The following HDLBP variants were observed in gnomAD, a reference collection of about 807,000 sequenced individuals.
HDLBP encodes vigilin.
A neutral mutation model predicts 137.3 loss-of-function variants in HDLBP; 30 were observed. The ratio of observed to expected loss-of-function variants is 0.22; its 90% CI spans 0.16 to 0.30. The LOEUF (loss-of-function observed/expected upper bound fraction) is 0.30. HDLBP is among the 10% of genes least tolerant of loss of function. The probability of loss-of-function intolerance (pLI) is 1.00; values close to 1 mark genes in which losing one functional copy is unlikely to be tolerated. For missense variants in HDLBP, 1,119 were observed against 1,667.3 expected, an observed-to-expected ratio of 0.67 and a Z score of 5.73; for synonymous variants, 606 against 596.0, an observed-to-expected ratio of 1.02 and a Z score of -0.24.
At chr2:241,309,414 AT>A (rs1261686096) in intron 1 of HDLBP, among the ~76,000 whole-genome samples, 2 of 152,126 alleles carry the variant, frequency 1.3e-5, no homozygotes, top group African/African-American at 4.8e-5. Flanking sequence ...ATAGTAAACG[AT>A]TTTTTCTTTT....
chr2:241,249,493 T>C (rs1321186119), intron 12 of HDLBP: 5 of 501,942 alleles, frequency 1.0e-5, no homozygotes, highest in African/African-American at 9.7e-5. Context: ...AGTCTGGCCT[T>C]ACATGAGAAC....
chr2:241,293,373 T>C (rs1022886462), intron 1 of HDLBP, among the ~76,000 whole-genome samples: 1 of 151,882 alleles, frequency 6.6e-6, no homozygotes, highest in Non-Finnish European at 1.5e-5. Flanking sequence ...CACACACCTG[T>C]AGTCCCAGCT....
intron 1 of HDLBP, among the ~76,000 whole-genome samples, chr2:241,284,058 A>G (rs2074714262): frequency 6.6e-6 from 1 of 152,036 alleles, no homozygotes; most frequent in South Asian, 2.1e-4. Flanking sequence ...TCAAAACATT[A>G]CTGCTGATTG....
chr2:241,264,284 C>T (rs1000813277), intron 4 of HDLBP, among the ~76,000 whole-genome samples, 164 bp downstream of exon 4: 1 of 151,252 alleles, frequency 6.6e-6, no homozygotes, highest in Non-Finnish European at 1.5e-5. Context: ...ATGGCGTGAA[C>T]CCGGGAGGCG....
chr2:241,311,831 A>G (rs987164855), intron 1 of HDLBP, among the ~76,000 whole-genome samples: 8 of 152,236 alleles, frequency 5.3e-5, no homozygotes, highest in Non-Finnish European at 1.5e-5. Flanking sequence ...CAAATTAAGG[A>G]TATATCACTT....
At chr2:241,313,143 T>A (rs10196307) in intron 1 of HDLBP, among the ~76,000 whole-genome samples, 121,737 of 152,148 alleles carry the variant, frequency 0.8, 48,878 homozygotes, top group East Asian at 0.95. Flanking sequence ...AGGTAACCAC[T>A]GCCTATTTCC....
chr2:241,292,721 G>T (rs2075048172), intron 1 of HDLBP, among the ~76,000 whole-genome samples: 1 of 152,150 alleles, frequency 6.6e-6, no homozygotes, highest in Admixed American at 6.5e-5. Flanking sequence ...ATAGTAAAAT[G>T]CTGACAACTG....
At chr2:241,287,697 C>T (rs55918461) in intron 1 of HDLBP, among the ~76,000 whole-genome samples, 17,423 of 152,278 alleles carry the variant, frequency 0.11, 1,234 homozygotes, top group Admixed American at 0.16. Flanking sequence ...GCTGGGATTA[C>T]AGGTGTGAGC....
chr2:241,311,620 C>T (rs1348126827), intron 1 of HDLBP, among the ~76,000 whole-genome samples: 1 of 152,170 alleles, frequency 6.6e-6, no homozygotes, highest in African/African-American at 2.4e-5. Context: ...TAGATAATTG[C>T]TTCAGAATTT....
intron 1 of HDLBP, among the ~76,000 whole-genome samples, chr2:241,289,559 T>A (rs1198666007): frequency 6.6e-6 from 1 of 152,052 alleles, no homozygotes; most frequent in Non-Finnish European, 1.5e-5. Context: ...CTGACATACA[T>A]CCAGGGAGCA....
In HDLBP at chr2:241,233,896, T is replaced by A; in HGVS notation, c.3212A>T (p.Lys1071Met). 2 of 1,614,138 alleles carry A rather than the reference T, an allele frequency of 1.2e-6. No individual in the cohort carries two copies. Among genetic ancestry groups the A allele is most frequent in the Non-Finnish European group, 1.7e-6 (2 of 1,179,978 alleles). ...CCGGATTTGGGTAATTACTGCCCCC[T>A]TTCTCCCGATAATCTTGGGATGGTA... ...PKYHPKIIGR[K>M]GAVITQIRLE... The change falls in exon 24 of 28, where the codon AAG becomes ATG. Residue 1071 changes from lysine to methionine, a missense_variant. Lys to Met is a moderately conservative substitution (Grantham distance 95). Coordinates refer to ENST00000310931, the MANE Select transcript of HDLBP (RefSeq NM_005336.6). This position sits in a 1 kb window ranked among gnomAD's most constrained non-coding sequence, Gnocchi z 4.3.
chr2:241,310,679 G>A (rs12619620), intron 1 of HDLBP, among the ~76,000 whole-genome samples: 48,257 of 151,940 alleles, frequency 0.32, 8,396 homozygotes, highest in East Asian at 0.51. Flanking sequence ...AAAGCAAATA[G>A]GAAGAAATCA....
In HDLBP at chr2:241,249,906, T is replaced by C. The variant is rs765331558; in HGVS notation, c.1447A>G (p.Ile483Val). ...PDSEKSNLIR[I>V]EGDPQGVQQA... Reference sequence around the variant, plus strand: ...TGCACGCCCTGTGGGTCCCCCTCGATGCGGATCAAATTGCTCTTCTCACTG... The same window carrying C: ...TGCACGCCCTGTGGGTCCCCCTCGACGCGGATCAAATTGCTCTTCTCACTG... The change falls in exon 12 of 28, where the codon ATC (isoleucine) becomes GTC (valine). Residue 483 changes from isoleucine to valine, a missense_variant. Ile to Val is a conservative substitution (Grantham distance 29, BLOSUM62 3). Transcript: ENST00000310931. The C allele has an allele frequency of 3.1e-6, 5 of 1,614,124 alleles. No homozygotes were observed. The highest frequency in any genetic ancestry group is 4.2e-6 in the Non-Finnish European group (5 of 1,179,980).
chr2:241,308,942 C>T (rs1420788112), intron 1 of HDLBP, among the ~76,000 whole-genome samples: 1 of 152,182 alleles, frequency 6.6e-6, no homozygotes, highest in African/African-American at 2.4e-5. Flanking sequence ...CCGTCTCCTA[C>T]ACCCTCTGGT....
intron 1 of HDLBP, among the ~76,000 whole-genome samples, chr2:241,295,495 G>A (rs560894955): frequency 2.6e-4 from 39 of 152,264 alleles, no homozygotes; most frequent in African/African-American, 8.7e-4. Flanking sequence ...ACATATACAC[G>A]AGAAGCCTGA....
intron 1 of HDLBP, among the ~76,000 whole-genome samples, chr2:241,279,240 G>A (rs1010163762): frequency 2.0e-5 from 3 of 152,178 alleles, no homozygotes; most frequent in African/African-American, 7.2e-5. Flanking sequence ...AAAGGTATGT[G>A]TGTGTATGGA....
chr2:241,272,324 G>A lies in HDLBP; in HGVS notation c.-102-3783C>T, dbSNP rs969612845. ...CCGCACACGGCGCCCCCGCCGGAGC[G>A]GGGGAGGGGAGGGCCGGCCCCGCCA... On this transcript the variant is annotated intron_variant, in intron 1 of 27. Coordinates refer to ENST00000310931, the MANE Select transcript of HDLBP (RefSeq NM_005336.6). The surrounding 1 kb of genome is among the most constrained non-coding windows in gnomAD (Gnocchi z 5.6). The A allele has an allele frequency of 9.1e-6, 9 of 983,856 alleles. No homozygotes were observed. Among genetic ancestry groups the A allele is most frequent in the African/African-American group, 1.7e-5 (1 of 57,248 alleles). 60.9% of individuals were successfully genotyped at this position (983,856 alleles called of 1,614,324 possible).
In HDLBP at chr2:241,312,269, C is replaced by A. The variant is rs139250301; in HGVS notation, c.-103+3301G>T. On this transcript the variant is annotated intron_variant, in intron 1 of 27. Transcript: ENST00000310931. ...CTAACACAACCACATGATGTCCAGA[C>A]ACGTCTCAGAACAAATGTCTAGCTC... 3.3e-3 allele frequency among the ~76,000 whole-genome samples: 505 copies of A among 152,324 alleles called. 9 individuals carry two copies. The highest frequency in any genetic ancestry group is 0.019 in the South Asian group (94 of 4,832).
chr2:241,243,168 AAAC>A (rs2071406838), intron 16 of HDLBP, among the ~76,000 whole-genome samples: 1 of 152,208 alleles, frequency 6.6e-6, no homozygotes, highest in African/African-American at 2.4e-5. Flanking sequence ...TGGAGACAGG[AAAC>A]AAGGTGAGCC....
Sources: gnomAD v4.1 joint callset for allele counts (sites outside exome capture counted in the v4.1 genomes callset) on GRCh38, gnomAD v4.1.1 for gene constraint, Gnocchi (gnomAD v3.1) non-coding constraint, MANE v1.5 for transcripts, NCBI Gene and HGNC (gene_info 2026-07-23, HGNC 2026-07-21) for gene names.